PIGA: variants seen among roughly 807,000 people sequenced by gnomAD.
PIGA encodes phosphatidylinositol N-acetylglucosaminyltransferase subunit A.
In PIGA, 3 loss-of-function variants were observed where a neutral mutation model predicts 17.1. The ratio of observed to expected loss-of-function variants is 0.18; its 90% confidence interval spans 0.08 to 0.45. The LOEUF is 0.45. Among genes scored for constraint, PIGA ranks in the 20% least tolerant of loss-of-function variants. PIGA has a pLI of 0.99. For synonymous variants in PIGA, 126 were observed against 135.1 expected, an observed-to-expected ratio of 0.93 and a Z score of 0.47; for missense variants, 231 against 374.1, an observed-to-expected ratio of 0.62 and a Z score of 3.16.
rs917210900 is a variant in PIGA, at chrX:15,320,517, T to TA, written c.*988dup. 3 of 112,204 alleles carry TA rather than the reference T, an allele frequency of 2.7e-5. No homozygotes were observed. Among genetic ancestry groups the TA allele is most frequent in the African/African-American group, 9.7e-5 (3 of 30,846 alleles). 9.2% of individuals were successfully genotyped at this position (112,204 alleles called of 1,213,427 possible). On this transcript the variant is annotated 3_prime_UTR_variant, in exon 6 of 6. Transcript: ENST00000333590. ...GAGGCCACAGTGAAGGGGAGTGACT[T>TA]ACATTAAAAGGACAGGGTAGCAGCT...
Position 15,322,534 on chromosome X carries a change from C to T in PIGA, c.1189-762G>A, listed in dbSNP as rs184640309. Among the ~76,000 whole-genome samples, 368 of 112,047 alleles carry T rather than the reference C, an allele frequency of 3.3e-3. 5 individuals carry two copies. Among genetic ancestry groups the T allele is most frequent in the African/African-American group, 0.011 (335 of 30,889 alleles). On this transcript the variant is annotated intron_variant, in intron 5 of 5. Coordinates refer to ENST00000333590, the MANE Select transcript of PIGA (RefSeq NM_002641.4). ...CAAAAAACGAAGATCTTTAAACATA[C>T]TTGTTCAGAACACATCAAATGGGCC...
chrX:15,325,804 A>G, intron 3 of PIGA, 110 bp downstream of exon 3: 1 of 539,735 alleles, frequency 1.9e-6, no homozygotes, highest in Non-Finnish European at 2.9e-6. Flanking sequence ...AATTATATGT[A>G]TATCAATTAC....
chrX:15,322,001 G>A (rs766741654), intron 5 of PIGA, among the ~76,000 whole-genome samples: 5 of 111,663 alleles, frequency 4.5e-5, no homozygotes, highest in South Asian at 7.5e-4. Flanking sequence ...GCAAGACACC[G>A]GGCTAGAGGC....
chrX:15,331,161 C>T, intron 2 of PIGA, 55 bp downstream of exon 2: 1 of 856,513 alleles, frequency 1.2e-6, no homozygotes, highest in Non-Finnish European at 1.7e-6. Context: ...AAGTATTCAA[C>T]AGCTTTCTAT....
chrX:15,324,237 T>G (rs1054428197), intron 5 of PIGA, among the ~76,000 whole-genome samples: 25 of 112,515 alleles, frequency 2.2e-4, no homozygotes, highest in African/African-American at 8.1e-4. Context: ...TACAAGAGGT[T>G]TAGGAAGTAG....
At chrX:15,334,405 G>T (rs1212314042) in intron 1 of PIGA, among the ~76,000 whole-genome samples, 5 of 109,839 alleles carry the variant, frequency 4.6e-5, no homozygotes, top group Non-Finnish European at 9.5e-5. Flanking sequence ...GGCCAGGCTG[G>T]TCTCGAACCC....
intron 2 of PIGA, chrX:15,328,476 A>C (rs1350122466): frequency 2.7e-5 from 3 of 112,209 alleles, no homozygotes; most frequent in Non-Finnish European, 3.8e-5. Flanking sequence ...GAAAACTTTG[A>C]TTTATCCTCT....
At chrX:15,332,083 A>G (rs1217629161) in intron 1 of PIGA, 91 bp from the exon 2 acceptor site, 1 of 579,090 alleles carries the variant, frequency 1.7e-6, no homozygotes, top group African/African-American at 2.3e-5. Flanking sequence ...ATGTTAATGT[A>G]AATTTGTTAG....
In PIGA at chrX:15,321,493, T is replaced by TCTA. The variant is rs1246449176; in HGVS notation, c.*10_*12dup. The TCTA allele has an allele frequency of 8.4e-7, 1 of 1,184,491 alleles. No individual in the cohort carries two copies. Among genetic ancestry groups the TCTA allele is most frequent in the Non-Finnish European group, 1.1e-6 (1 of 872,666 alleles). ...ATTACAAATGTTTAAAATCTTACAA[T>TCTA]CTAGGCTTCCTTCTACCTGGTTTCA... On this transcript the variant is annotated 3_prime_UTR_variant, in exon 6 of 6. Transcript: ENST00000333590.
intron 2 of PIGA, 104 bp from the exon 3 acceptor site, chrX:15,326,150 C>A (rs1921965624): frequency 9.9e-6 from 5 of 506,324 alleles, no homozygotes; most frequent in Non-Finnish European, 1.3e-5. Flanking sequence ...TAGCTATGCA[C>A]TCCATAAAGG....
At chrX:15,333,608 G>A (rs1922233918) in intron 1 of PIGA, among the ~76,000 whole-genome samples, 1 of 112,122 alleles carries the variant, frequency 8.9e-6, no homozygotes, top group African/African-American at 3.2e-5. Context: ...TTGAACCCGG[G>A]AGTCCGAAGT....
At chrX:15,329,227 G>A (rs1922077561) in intron 2 of PIGA, among the ~76,000 whole-genome samples, 1 of 112,240 alleles carries the variant, frequency 8.9e-6, no homozygotes, top group African/African-American at 3.2e-5. Flanking sequence ...ACTTGTTATC[G>A]TCGTGTTGAG....
In PIGA at chrX:15,324,654, A is replaced by G; in HGVS notation, c.1188+11T>C. The G allele has an allele frequency of 8.7e-7, 1 of 1,148,530 alleles. No individual in the cohort carries two copies. The highest frequency in any genetic ancestry group is 1.2e-6 in the Non-Finnish European group (1 of 838,682). 94.7% of individuals were successfully genotyped at this position (1,148,530 alleles called of 1,213,427 possible). ...AGTTCAGACACAATCTTTTCTCAGC[A>G]TGTGACATACCTTTTCAGTTCTTTC... On this transcript the variant is annotated intron_variant, in intron 5 of 5. Transcript: ENST00000333590.
In PIGA at chrX:15,331,209, T is replaced by G. The variant is rs1233865208; in HGVS notation, c.715+7A>C. Reference sequence around the variant, plus strand: ...CTACAATGCAATTATAGCTATCATTTCATTACCTTTTCTGTAAACAAGTCT... The same window carrying G: ...CTACAATGCAATTATAGCTATCATTGCATTACCTTTTCTGTAAACAAGTCT... On this transcript the variant is annotated splice_region_variant and intron_variant, in intron 2 of 5. Coordinates refer to ENST00000333590, the MANE Select transcript of PIGA (RefSeq NM_002641.4). 1.7e-6 allele frequency: 2 copies of G among 1,163,622 alleles called. No homozygotes were observed. The highest frequency in any genetic ancestry group is 6.0e-5 in the East Asian group (2 of 33,459).
chrX:15,325,612 T>G, intron 3 of PIGA: 1 of 188,098 alleles, frequency 5.3e-6, no homozygotes, highest in Non-Finnish European at 9.7e-6. Context: ...CACTACACAG[T>G]ATGGCCTGGA....
At chrX:15,328,035 A>G (rs866663269) in intron 2 of PIGA, 2 of 112,092 alleles carry the variant, frequency 1.8e-5, no homozygotes, top group South Asian at 3.7e-4. Context: ...CAAAACAGAC[A>G]ATGAAAATCT....
At chrX:15,335,243 G>T (rs902731193) in intron 1 of PIGA, 1 of 295,155 alleles carries the variant, frequency 3.4e-6, no homozygotes, top group East Asian at 4.8e-5. Context: ...CAACCAAAGA[G>T]TGGACGTTGG....
intron 1 of PIGA, among the ~76,000 whole-genome samples, chrX:15,333,158 T>C (rs1922217855): frequency 8.9e-6 from 1 of 111,825 alleles, no homozygotes; most frequent in Non-Finnish European, 1.9e-5. Flanking sequence ...ACAGAGACCA[T>C]ATGACCCACA....
chrX:15,321,521 T>G lies in PIGA; in HGVS notation c.1440A>C (p.Ile480=). The part of the protein sequence containing the change: ...HSKRGGENNE[I]SETR The stretch of plus-strand genomic sequence containing the variant: ...AGGCTTCCTTCTACCTGGTTTCAGA[T>G]ATCTCATTATTCTCACCCCCTCTTT... Residue 480 remains isoleucine (I), a synonymous_variant, in exon 6 of 6, where the codon ATA becomes ATC. Coordinates refer to ENST00000333590, the MANE Select transcript of PIGA (RefSeq NM_002641.4). The G allele has an allele frequency of 7.5e-6, 9 of 1,205,572 alleles. No homozygotes were observed. The highest frequency in any genetic ancestry group is 1.0e-5 in the Non-Finnish European group (9 of 889,770).
Sources: gnomAD v4.1 joint callset for allele counts (sites outside exome capture counted in the v4.1 genomes callset) on GRCh38, gnomAD v4.1.1 for gene constraint, MANE v1.5 for transcripts, NCBI Gene and HGNC (gene_info 2026-07-23, HGNC 2026-07-21) for gene names.